Variants in GRHL2 observed in about 807,000 individuals in gnomAD.
GRHL2 encodes grainyhead-like protein 2 homolog.
Under a neutral mutation model 83.8 loss-of-function variants are expected in GRHL2, and 21 were observed. The ratio of observed to expected loss-of-function variants is 0.25; its 90% confidence interval spans 0.18 to 0.36. The LOEUF (loss-of-function observed/expected upper bound fraction) is 0.36. Among genes scored for constraint, GRHL2 ranks in the 10% least tolerant of loss-of-function variants. GRHL2 has a pLI of 1.00. For missense variants in GRHL2, 623 were observed against 781.8 expected, an observed-to-expected ratio of 0.80 and a Z score of 2.42; for synonymous variants, 280 against 278.9, an observed-to-expected ratio of 1.00 and a Z score of -0.04.
rs750753608 is a variant in GRHL2, at chr8:101,558,800, C to G, written c.666C>G (p.Asp222Glu). Reference protein sequence around the residue: ...PDSTYSESFKDAATEKFRSAS... With the variant: ...PDSTYSESFKEAATEKFRSAS... Reference sequence around the variant, plus strand: ...GCACATACAGCGAGAGCTTCAAGGACGCAGCCACAGAGGTGAGTCCCAGGC... The same window carrying G: ...GCACATACAGCGAGAGCTTCAAGGAGGCAGCCACAGAGGTGAGTCCCAGGC... The change falls in exon 4 of 16, where the codon GAC becomes GAG. Residue 222 changes from aspartate (D) to glutamate (E), a missense_variant. Asp to Glu is a conservative substitution (Grantham distance 45, BLOSUM62 2). This residue lies in a region of GRHL2 where 239 missense variants were observed against 240.5 expected (regional missense o/e 0.99). Transcript: ENST00000646743. 2 of 1,613,912 alleles carry G rather than the reference C, an allele frequency of 1.2e-6. No homozygotes were observed. Among genetic ancestry groups the G allele is most frequent in the African/African-American group, 1.3e-5 (1 of 74,928 alleles).
At chr8:101,537,762 C>T (rs761400406) in intron 1 of GRHL2, among the ~76,000 whole-genome samples, 3 of 152,164 alleles carry the variant, frequency 2.0e-5, no homozygotes, top group African/African-American at 7.2e-5. Flanking sequence ...TACCCAACTC[C>T]AAAAGCATCC....
At chr8:101,605,361 A>G (rs1427442909) in intron 8 of GRHL2, among the ~76,000 whole-genome samples, 1 of 152,232 alleles carries the variant, frequency 6.6e-6, no homozygotes. Context: ...CCAGGGCCCT[A>G]TGAGTCCAGA....
At chr8:101,494,414 G>C (rs1024219114) in intron 1 of GRHL2, among the ~76,000 whole-genome samples, 2 of 152,202 alleles carry the variant, frequency 1.3e-5, no homozygotes, top group Non-Finnish European at 2.9e-5. Flanking sequence ...TACCGGAGGG[G>C]AAGAACTAGC....
chr8:101,542,761 C>T (rs1215851954), intron 1 of GRHL2: 8 of 456,536 alleles, frequency 1.8e-5, no homozygotes, highest in African/African-American at 1.2e-4. Context: ...CCAAGGACTT[C>T]TTGCTGCATC....
At position 101,573,871 on chromosome 8, in the gene GRHL2, G is replaced by A. The variant is rs766210506; in HGVS notation, c.891+47G>A. The A allele has an allele frequency of 4.0e-5, 64 of 1,596,902 alleles. No homozygotes were observed. The Admixed American group carries it at 7.2e-4, about 18-fold the overall frequency. ...TAAAGTACAAAGGAATCCGATGAAC[G>A]GAATGGCTACCTCACAGCCTTGTGG... On this transcript the variant is annotated intron_variant, in intron 6 of 15. Transcript: ENST00000646743.
intron 4 of GRHL2, among the ~76,000 whole-genome samples, chr8:101,559,561 T>C (rs1563580271): frequency 6.6e-6 from 1 of 151,716 alleles, no homozygotes; most frequent in Non-Finnish European, 1.5e-5. Context: ...AATAAAACTT[T>C]AAAAAACCTT....
intron 8 of GRHL2, among the ~76,000 whole-genome samples, chr8:101,615,568 A>G (rs1812837950): frequency 6.6e-6 from 1 of 152,246 alleles, no homozygotes; most frequent in Non-Finnish European, 1.5e-5. Flanking sequence ...TCTATGAAGC[A>G]CATGGCCAAA....
chr8:101,643,427 TAAGG>T lies in GRHL2; in HGVS notation c.1518-698_1518-695del, dbSNP rs1209714074. ...CCCTTGCTTAGGGCACCCGGGAGAC[TAAGG>T]AAGGACAGTGACTGTGGGAGGAAAT... On this transcript the variant is annotated intron_variant, in intron 12 of 15. Transcript: ENST00000646743. 2.3e-5 allele frequency among the ~76,000 whole-genome samples: 3 copies of T among 132,666 alleles called. No homozygotes were observed. In the Admixed American group the frequency reaches 2.4e-4, roughly 11 times the overall value. The allele number at this position is 132,666 out of a possible 152,430, so 87.0% of individuals were successfully genotyped here. A position where few individuals can be genotyped will look rare whatever the true frequency, so the allele number is the denominator to read the frequency against.
intron 14 of GRHL2, among the ~76,000 whole-genome samples, chr8:101,652,615 T>TGTGTGTGTG (rs1813696860): frequency 2.5e-5 from 3 of 120,084 alleles, no homozygotes; most frequent in Non-Finnish European, 5.0e-5. Flanking sequence ...GTGTGTGTGG[T>TGTGTGTGTG]GTGTGTGTGT....
chr8:101,662,467 CTCT>C (rs892417295), intron 14 of GRHL2, among the ~76,000 whole-genome samples: 13 of 152,170 alleles, frequency 8.5e-5, no homozygotes, highest in Non-Finnish European at 1.5e-4. Context: ...GTAGAGTGAA[CTCT>C]TCTTAGGATC....
chr8:101,653,242 G>GT (rs1325698552), intron 14 of GRHL2, among the ~76,000 whole-genome samples: 1 of 151,698 alleles, frequency 6.6e-6, no homozygotes, highest in African/African-American at 2.4e-5. Context: ...TAATATCATT[G>GT]TGGGGGGGCT....
chr8:101,647,195 C>G (rs902814435), intron 13 of GRHL2, among the ~76,000 whole-genome samples: 1 of 152,112 alleles, frequency 6.6e-6, no homozygotes, highest in Admixed American at 6.6e-5. Flanking sequence ...GAAACCCCCT[C>G]TCTACTAAAA....
intron 8 of GRHL2, among the ~76,000 whole-genome samples, chr8:101,614,775 G>T (rs1279158366): frequency 6.6e-6 from 1 of 152,144 alleles, no homozygotes; most frequent in Admixed American, 6.5e-5. Context: ...TAAGGCTTTA[G>T]TTAATGTCTT....
chr8:101,496,483 T>C (rs771621372), intron 1 of GRHL2, among the ~76,000 whole-genome samples: 2 of 152,158 alleles, frequency 1.3e-5, no homozygotes. Flanking sequence ...TGAAAGAATA[T>C]GCCTTGAATG....
intron 1 of GRHL2, among the ~76,000 whole-genome samples, chr8:101,499,442 T>G (rs554509): frequency 0.84 from 123,805 of 147,936 alleles, 52,039 homozygotes; most frequent in Non-Finnish European, 0.93. Flanking sequence ...ACTTTCCTGG[T>G]TTTTTTTTCC....
At chr8:101,581,654 C>T (rs768631922) in intron 7 of GRHL2, among the ~76,000 whole-genome samples, 2 of 152,180 alleles carry the variant, frequency 1.3e-5, no homozygotes, top group Non-Finnish European at 1.5e-5. Context: ...ATTCCACATT[C>T]GTTCTGCAAA....
intron 7 of GRHL2, among the ~76,000 whole-genome samples, chr8:101,586,318 A>G (rs184968921): frequency 6.6e-6 from 1 of 152,112 alleles, no homozygotes; most frequent in Admixed American, 6.5e-5. Context: ...TCTTTTATTA[A>G]TATTTTAAAA....
At position 101,543,292 on chromosome 8, in the gene GRHL2, T is replaced by C. The variant is rs778995557; in HGVS notation, c.72T>C (p.Asn24=). The C allele has an allele frequency of 6.2e-7, 1 of 1,614,038 alleles. No homozygotes were observed. Among genetic ancestry groups the C allele is most frequent in the South Asian group, 1.1e-5 (1 of 91,082 alleles). The part of the protein sequence containing the change: ...LVPMPSDPPF[N]TRRAYTSEDE... ...CCATGCCCAGTGACCCTCCATTCAA[T>C]ACCCGAAGAGCCTACACCAGTGAGG... is the stretch of plus-strand genomic sequence containing the variant. Residue 24 remains asparagine (N), a synonymous_variant, in exon 2 of 16, where the codon AAT becomes AAC. Transcript: ENST00000646743.
intron 4 of GRHL2, 149 bp downstream of exon 4, chr8:101,558,961 G>A: frequency 1.2e-6 from 1 of 850,240 alleles, no homozygotes; most frequent in Non-Finnish European, 1.9e-6. Flanking sequence ...TTGGTAGTCT[G>A]GCATTCTTTC....
Sources: allele counts gnomAD v4.1 joint callset (sites outside exome capture counted in the v4.1 genomes callset), GRCh38; gene constraint gnomAD v4.1.1; regional missense constraint gnomAD v4.1.1; transcripts MANE v1.5; gene names NCBI Gene and HGNC (gene_info 2026-07-23, HGNC 2026-07-21).